The following CALN1 variants were observed in gnomAD, a reference collection of about 807,000 sequenced individuals.
The protein encoded by CALN1 is calneuron 1.
A neutral mutation model predicts 30.6 loss-of-function variants in CALN1; 17 were observed. That is an observed-to-expected ratio of 0.56 (90% CI 0.38 to 0.83). The LOEUF is 0.83. Ranked by LOEUF, CALN1 falls within the 40% of genes least tolerant of loss-of-function variation. The probability of loss-of-function intolerance (pLI) is 0.00; values close to 1 mark genes in which losing one functional copy is unlikely to be tolerated. For synonymous variants in CALN1, 156 were observed against 131.4 expected (o/e 1.19, Z -1.28); for missense variants, 291 against 354.9 (o/e 0.82, Z 1.45).
intron 2 of CALN1, 78 bp downstream of exon 2, chr7:72,403,173 C>G: frequency 8.8e-7 from 1 of 1,142,802 alleles, no homozygotes; most frequent in South Asian, 1.4e-5. Context: ...GCGGCAAAGC[C>G]TCCTGGACCC....
chr7:72,150,943 G>A (rs1396608170), intron 3 of CALN1, among the ~76,000 whole-genome samples: 1 of 151,932 alleles, frequency 6.6e-6, no homozygotes, highest in Non-Finnish European at 1.5e-5. Flanking sequence ...TGCATCATGA[G>A]GCTGTTCACA....
At chr7:72,045,338 G>T (rs1440511153) in intron 4 of CALN1, among the ~76,000 whole-genome samples, 1 of 152,168 alleles carries the variant, frequency 6.6e-6, no homozygotes, top group Non-Finnish European at 1.5e-5. Context: ...ATGTGTGCTT[G>T]GATTACTAGG....
rs539709184 is a variant in CALN1, at chr7:71,827,819, C to A, written c.502-17327G>T. On this transcript the variant is annotated intron_variant, in intron 5 of 6. Coordinates refer to ENST00000395275, the MANE Select transcript of CALN1 (RefSeq NM_031468.4). ...ATAAATAAATAAATAAATAAGGACT[C>A]CAGGGAAAGTCACATTGAGAAGGTG... Among the ~76,000 whole-genome samples, 267 of 127,186 alleles carry A rather than the reference C, an allele frequency of 2.1e-3. 2 individuals are homozygous for A. The highest frequency in any genetic ancestry group is 7.8e-3 in the Middle Eastern group (2 of 256). 83.4% of individuals were successfully genotyped at this position (127,186 alleles called of 152,430 possible).
intron 6 of CALN1, among the ~76,000 whole-genome samples, chr7:71,809,464 C>CAAAAAAAAAAAAAAAAAAAAAAA (rs10682965): frequency 2.8e-5 from 3 of 108,400 alleles, no homozygotes; most frequent in Non-Finnish European, 3.5e-5. Flanking sequence ...TTTAAATGTT[C>CAAAAAAAAAAAAAAAAAAAAAAA]AAAAAAAAAA....
intron 6 of CALN1, among the ~76,000 whole-genome samples, chr7:71,803,397 T>C (rs1016883676): frequency 6.6e-6 from 1 of 152,180 alleles, no homozygotes; most frequent in African/African-American, 2.4e-5. Flanking sequence ...GGAATTCCTT[T>C]TGGTGCTGTA....
intron 5 of CALN1, among the ~76,000 whole-genome samples, chr7:71,975,981 A>G (rs906698950): frequency 1.3e-5 from 2 of 150,966 alleles, no homozygotes; most frequent in African/African-American, 4.9e-5. Flanking sequence ...TACCAGCTAT[A>G]TTAAGGCTTT....
the CALN1 span, among the ~76,000 whole-genome samples, chr7:72,503,433 C>T: frequency 6.6e-6 from 1 of 152,106 alleles, no homozygotes; most frequent in Non-Finnish European, 1.5e-5. Context: ...AGTTGCTTCT[C>T]ATAGGATTTC....
chr7:71,815,491 G>T (rs764010566), intron 5 of CALN1, among the ~76,000 whole-genome samples: 20 of 152,096 alleles, frequency 1.3e-4, no homozygotes, highest in Non-Finnish European at 2.6e-4. Context: ...CTAGGTTCTG[G>T]AATGACCTAG....
intron 1 of CALN1, among the ~76,000 whole-genome samples, chr7:72,440,289 T>C (rs1808308245): frequency 6.6e-6 from 1 of 152,180 alleles, no homozygotes; most frequent in African/African-American, 2.4e-5. Flanking sequence ...ACCCATACAA[T>C]GATTATCTCA....
intron 5 of CALN1, among the ~76,000 whole-genome samples, chr7:72,003,286 A>G (rs1199794781): frequency 6.6e-6 from 1 of 152,246 alleles, no homozygotes; most frequent in African/African-American, 2.4e-5. Flanking sequence ...AGACAAGTAT[A>G]GGATCTTTAT....
chr7:72,361,888 G>A (rs763920907), intron 2 of CALN1, among the ~76,000 whole-genome samples: 2 of 152,128 alleles, frequency 1.3e-5, no homozygotes, highest in Non-Finnish European at 2.9e-5. Flanking sequence ...CATTATACAT[G>A]TAATATCCAT....
intron 2 of CALN1, among the ~76,000 whole-genome samples, chr7:72,312,210 C>A (rs1049503995): frequency 2.6e-5 from 4 of 151,988 alleles, no homozygotes; most frequent in Non-Finnish European, 4.4e-5. Flanking sequence ...TCGAGACCAG[C>A]CTAGCCAACA....
intron 2 of CALN1, among the ~76,000 whole-genome samples, chr7:72,392,629 G>C (rs1374333585): frequency 6.6e-6 from 1 of 152,068 alleles, no homozygotes; most frequent in Admixed American, 6.6e-5. Context: ...GAACTCTATT[G>C]ACTAATCCTC....
chr7:72,211,698 G>A (rs996824623), intron 3 of CALN1, among the ~76,000 whole-genome samples: 4 of 152,090 alleles, frequency 2.6e-5, no homozygotes, highest in South Asian at 2.1e-4. Flanking sequence ...TCCTATTGAC[G>A]GTCCCTGCTG....
intron 2 of CALN1, among the ~76,000 whole-genome samples, chr7:72,322,880 A>G (rs1186216508): frequency 2.0e-5 from 3 of 152,146 alleles, no homozygotes; most frequent in Non-Finnish European, 4.4e-5. Context: ...CATCATTATT[A>G]CACACTGCAT....
At chr7:72,145,154 A>C (rs1252451042) in intron 3 of CALN1, among the ~76,000 whole-genome samples, 1 of 152,160 alleles carries the variant, frequency 6.6e-6, no homozygotes, top group Non-Finnish European at 1.5e-5. Context: ...AGACAAGAAA[A>C]CCCTTCAAAA....
intron 2 of CALN1, among the ~76,000 whole-genome samples, chr7:72,373,472 A>G (rs1232520265): frequency 1.3e-5 from 2 of 152,240 alleles, no homozygotes; most frequent in African/African-American, 4.8e-5. Flanking sequence ...CCATACTTTC[A>G]GTACCCATAC....
At chr7:72,409,835 T>C (rs1806989646) in intron 1 of CALN1, among the ~76,000 whole-genome samples, 1 of 152,132 alleles carries the variant, frequency 6.6e-6, no homozygotes, top group African/African-American at 2.4e-5. Context: ...TTAACCACGT[T>C]GGGCATCAAG....
At chr7:72,105,251 A>G (rs1807003795) in intron 4 of CALN1, among the ~76,000 whole-genome samples, 1 of 152,158 alleles carries the variant, frequency 6.6e-6, no homozygotes, top group African/African-American at 2.4e-5. Context: ...ACTCTTAACT[A>G]CAGCGGGACA....
Sources: gnomAD v4.1 joint callset for allele counts (sites outside exome capture counted in the v4.1 genomes callset) on GRCh38, gnomAD v4.1.1 for gene constraint, MANE v1.5 for transcripts, NCBI Gene and HGNC (gene_info 2026-07-23, HGNC 2026-07-21) for gene names.